The following SGMS1 variants were observed in gnomAD, a reference collection of about 807,000 sequenced individuals.
SGMS1 encodes sphingomyelin synthase 1.
A neutral mutation model predicts 46.2 loss-of-function variants in SGMS1; 13 were observed. That is an observed-to-expected ratio of 0.28 (90% CI 0.18 to 0.45). The LOEUF is 0.45. Among genes scored for constraint, SGMS1 ranks in the 20% least tolerant of loss-of-function variants. SGMS1 has a pLI of 1.00. For missense variants in SGMS1, 324 were observed against 519.9 expected (o/e 0.62, Z 3.66); for synonymous variants, 203 against 187.8 (o/e 1.08, Z -0.66).
In SGMS1 at chr10:50,327,609, C is replaced by T. The variant is rs978199245; in HGVS notation, c.624-287G>A. Among the ~76,000 whole-genome samples the T allele has an allele frequency of 5.3e-5, 8 of 152,176 alleles. No individual in the cohort carries two copies. In the South Asian group the frequency reaches 6.2e-4, roughly 12 times the overall value. The stretch of plus-strand genomic sequence containing the variant: ...TAAACTTGAGTTGACGTTCAACTGT[C>T]GGACATACAAGTGGAGCCCACGCTG... On this transcript the variant is annotated intron_variant, in intron 7 of 10. Transcript: ENST00000361781.
rs72801796 is a variant in SGMS1 at position 50,511,268 on chromosome 10, C to G, written c.-498+8563G>C. Among the ~76,000 whole-genome samples the G allele has an allele frequency of 7.9e-4, 120 of 151,674 alleles. 1 individual carries two copies. Among genetic ancestry groups the G allele is most frequent in the Non-Finnish European group, 1.2e-3 (80 of 67,880 alleles). ...ATTCATACACACACACACACACACA[C>G]ACACACACACACACAGTGACAGACA... On this transcript the variant is annotated intron_variant, in intron 3 of 10. Transcript: ENST00000361781.
At chr10:50,330,587 A>C (rs1342553164) in intron 7 of SGMS1, among the ~76,000 whole-genome samples, 1 of 152,272 alleles carries the variant, frequency 6.6e-6, no homozygotes, top group Non-Finnish European at 1.5e-5. Flanking sequence ...GTCTCTTTCA[A>C]CTAATCCACA....
At chr10:50,369,238 C>T (rs1236414888) in intron 6 of SGMS1, among the ~76,000 whole-genome samples, 1 of 152,244 alleles carries the variant, frequency 6.6e-6, no homozygotes, top group African/African-American at 2.4e-5. Context: ...TGGCTCACAT[C>T]TGTAATCTCA....
intron 7 of SGMS1, chr10:50,334,884 GAAT>G (rs1224400177): frequency 6.6e-6 from 1 of 152,326 alleles, no homozygotes; most frequent in Non-Finnish European, 1.5e-5. Context: ...AGGGAGGTTA[GAAT>G]TGGGGGCTAA....
At chr10:50,404,594 CCT>C (rs1848987605) in intron 6 of SGMS1, among the ~76,000 whole-genome samples, 1 of 151,866 alleles carries the variant, frequency 6.6e-6, no homozygotes. Context: ...AGAGCGAGAC[CCT>C]GTCTCGAAAA....
intron 6 of SGMS1, among the ~76,000 whole-genome samples, chr10:50,400,396 C>CATATAT (rs10524155): frequency 1.0e-5 from 1 of 98,716 alleles, no homozygotes; most frequent in Non-Finnish European, 2.1e-5. Context: ...CACATCCTGG[C>CATATAT]ATATATATAT....
At chr10:50,384,454 CTCCTTCCT>C (rs140611953) in intron 6 of SGMS1, among the ~76,000 whole-genome samples, 1 of 147,690 alleles carries the variant, frequency 6.8e-6, no homozygotes, top group Non-Finnish European at 1.5e-5. Flanking sequence ...CTCTCTTTCT[CTCCTTCCT>C]TCCTTCCTTC....
Position 50,308,050 on chromosome 10 carries a change from CCA to C in SGMS1, c.992_993del (p.Val331GlyfsTer47). On this transcript the variant is annotated frameshift_variant, in exon 10 of 11. Transcript: ENST00000361781. LOFTEE classifies it high-confidence loss of function. The stretch of plus-strand genomic sequence containing the variant: ...GTGATGTAATATGCCACCACCACGT[CCA>C]CAGTGTAGTGGTCATGCGCTAAGAG... ...CILLAHDHYTVDVVVAYYITT... is the reference protein window; with the variant it reads ...CILLAHDHYTXDVVVAYYITT... The C allele has an allele frequency of 6.2e-7, 1 of 1,614,030 alleles. No homozygotes were observed. Among genetic ancestry groups the C allele is most frequent in the Non-Finnish European group, 8.5e-7 (1 of 1,179,902 alleles).
chr10:50,364,178 C>T (rs1848297496), intron 6 of SGMS1, among the ~76,000 whole-genome samples: 1 of 151,292 alleles, frequency 6.6e-6, no homozygotes, highest in African/African-American at 2.4e-5. Flanking sequence ...AATCTAGAAG[C>T]CCAAGATCTG....
chr10:50,357,184 T>G (rs1435149304), intron 6 of SGMS1, among the ~76,000 whole-genome samples: 1 of 152,162 alleles, frequency 6.6e-6, no homozygotes, highest in African/African-American at 2.4e-5. Flanking sequence ...TAAATTCAAT[T>G]TGGCTCCAAT....
chr10:50,428,262 G>A (rs1256359962), intron 6 of SGMS1, among the ~76,000 whole-genome samples: 1 of 152,100 alleles, frequency 6.6e-6, no homozygotes, highest in African/African-American at 2.4e-5. Context: ...GCGCATGATA[G>A]TCCCATGGCA....
intron 6 of SGMS1, among the ~76,000 whole-genome samples, chr10:50,424,485 G>A (rs750247458): frequency 6.6e-5 from 10 of 152,090 alleles, no homozygotes; most frequent in African/African-American, 1.7e-4. Context: ...AAATATCCTG[G>A]ACATCGGCCT....
At chr10:50,511,011 C>A (rs976993018) in intron 3 of SGMS1, among the ~76,000 whole-genome samples, 16 of 152,122 alleles carry the variant, frequency 1.1e-4, no homozygotes, top group African/African-American at 3.9e-4. Context: ...TGAGGACTTT[C>A]TTTTGACCTT....
At chr10:50,597,697 G>A (rs763709443) in intron 1 of SGMS1, among the ~76,000 whole-genome samples, 9 of 152,206 alleles carry the variant, frequency 5.9e-5, no homozygotes, top group South Asian at 2.1e-4. Flanking sequence ...TGGTGGTTGC[G>A]TGAATTAATG....
chr10:50,527,537 A>T (rs1336940044), intron 2 of SGMS1, among the ~76,000 whole-genome samples: 2 of 152,296 alleles, frequency 1.3e-5, no homozygotes, highest in Non-Finnish European at 2.9e-5. Flanking sequence ...CTAGTTTCAG[A>T]GTCTTAGGCA....
intron 2 of SGMS1, among the ~76,000 whole-genome samples, chr10:50,577,203 T>C (rs1242981913): frequency 2.0e-5 from 3 of 152,188 alleles, no homozygotes; most frequent in Non-Finnish European, 4.4e-5. Flanking sequence ...AGGCAACAAC[T>C]GTGATGATCA....
chr10:50,530,962 G>A (rs997476103), intron 2 of SGMS1, among the ~76,000 whole-genome samples: 1 of 152,042 alleles, frequency 6.6e-6, no homozygotes. Context: ...TACTAGATAA[G>A]ATGACTGAAA....
At position 50,519,292 on chromosome 10, in the gene SGMS1, C is replaced by T. The variant is rs915198545; in HGVS notation, c.-498+539G>A. Among the ~76,000 whole-genome samples, 63 of 152,186 alleles carry T rather than the reference C, an allele frequency of 4.1e-4. 3 individuals are homozygous for T. The highest frequency in any genetic ancestry group is 1.9e-4 in the East Asian group (1 of 5,200). On this transcript the variant is annotated intron_variant, in intron 3 of 10. Coordinates refer to ENST00000361781, the MANE Select transcript of SGMS1 (RefSeq NM_147156.4). ...CACTGTTTCGTTCATCTAACTTTTA[C>T]GTTCTAGGTCAAGCTCTTTATTTCA...
intron 5 of SGMS1, among the ~76,000 whole-genome samples, chr10:50,435,910 GA>G (rs1356162777): frequency 6.6e-6 from 1 of 152,204 alleles, no homozygotes; most frequent in African/African-American, 2.4e-5. Flanking sequence ...TGACTGCTCA[GA>G]ATAAGTACTC....
Sources: allele counts gnomAD v4.1 joint callset (sites outside exome capture counted in the v4.1 genomes callset), GRCh38; gene constraint gnomAD v4.1.1; transcripts MANE v1.5; gene names NCBI Gene and HGNC (gene_info 2026-07-23, HGNC 2026-07-21).